The following SUGT1 variants were observed in gnomAD, a reference collection of about 807,000 sequenced individuals.
The protein encoded by SUGT1 is SGT1 assembly cochaperone of MIS12 kinetochore complex.
Under a neutral mutation model 56.1 loss-of-function variants are expected in SUGT1, and 15 were observed. The observed-to-expected ratio is 0.27, with a 90% CI of 0.18 to 0.41. SUGT1 has a LOEUF of 0.41. SUGT1 is among the 10% of genes least tolerant of loss of function. The pLI, the probability that SUGT1 is intolerant of heterozygous loss-of-function variation, is 1.00. For missense variants in SUGT1, 347 were observed against 382.2 expected, an observed-to-expected ratio of 0.91 and a Z score of 0.77; for synonymous variants, 123 against 128.6, an observed-to-expected ratio of 0.96 and a Z score of 0.30.
intron 10 of SUGT1, among the ~76,000 whole-genome samples, chr13:52,672,815 A>C (rs1023556301): frequency 1.8e-4 from 28 of 152,152 alleles, no homozygotes; most frequent in African/African-American, 6.8e-4. Flanking sequence ...CATCTCTTTA[A>C]ATCTGAAATT....
intron 12 of SUGT1, among the ~76,000 whole-genome samples, chr13:52,683,129 A>G (rs181597844): frequency 1.3e-5 from 2 of 152,204 alleles, no homozygotes; most frequent in African/African-American, 2.4e-5. Context: ...ACTGGCTGCA[A>G]CTTCCGCACT....
intron 10 of SUGT1, among the ~76,000 whole-genome samples, chr13:52,674,744 A>G (rs562036436): frequency 5.9e-5 from 9 of 152,316 alleles, no homozygotes; most frequent in East Asian, 3.9e-4. Context: ...TTCTAATTCA[A>G]TTGCTCATTT....
chr13:52,657,010 G>A (rs1962197310), intron 2 of SUGT1, among the ~76,000 whole-genome samples: 2 of 152,144 alleles, frequency 1.3e-5, no homozygotes, highest in Admixed American at 6.6e-5. Context: ...TATTTAGTTG[G>A]GTTTTATTAG....
Position 52,699,767 on chromosome 13 carries a change from A to G in SUGT1, c.*11932A>G, listed in dbSNP as rs1964032759. ...ATGAAATATAGGCAGCTGAAAAGAA[A>G]ATTCTTAGCAATTCATACCTTAGAA... is the stretch of plus-strand genomic sequence containing the variant. On this transcript the variant is annotated 3_prime_UTR_variant, in exon 13 of 13. Coordinates refer to ENST00000310528, the MANE Select transcript of SUGT1 (RefSeq NM_006704.5). 6.6e-6 allele frequency: 1 copy of G among 152,214 alleles called. No homozygotes were observed. Among genetic ancestry groups the G allele is most frequent in the Admixed American group, 6.5e-5 (1 of 15,278 alleles). 9.4% of individuals were successfully genotyped at this position (152,214 alleles called of 1,614,324 possible).
At chr13:52,662,816 G>C in intron 6 of SUGT1, 114 bp downstream of exon 6, 1 of 1,106,280 alleles carries the variant, frequency 9.0e-7, no homozygotes, top group South Asian at 1.6e-5. Flanking sequence ...AATAGTATAC[G>C]TTTCCTTAGA....
intron 10 of SUGT1, among the ~76,000 whole-genome samples, chr13:52,671,080 C>T (rs933380050): frequency 4.0e-5 from 6 of 151,798 alleles, no homozygotes; most frequent in African/African-American, 1.5e-4. Flanking sequence ...AAATAAAAAT[C>T]CTGGTGATAA....
chr13:52,692,273 A>G lies in SUGT1; in HGVS notation c.*4438A>G, dbSNP rs938678941. On this transcript the variant is annotated 3_prime_UTR_variant, in exon 13 of 13. Coordinates refer to ENST00000310528, the MANE Select transcript of SUGT1 (RefSeq NM_006704.5). ...ATAGCTGGGATTTGAACCCAGGCCT[A>G]TCAGACTCCATTACCCATACTTCTG... 1 of 152,228 alleles carries G rather than the reference A, an allele frequency of 6.6e-6. No homozygotes were observed. Among genetic ancestry groups the G allele is most frequent in the African/African-American group, 2.4e-5 (1 of 41,456 alleles). 9.4% of individuals were successfully genotyped at this position (152,228 alleles called of 1,614,324 possible). A position where few individuals can be genotyped will look rare whatever the true frequency, so the allele number is the denominator to read the frequency against.
rs1484876943 is a variant in SUGT1 at position 52,691,514 on chromosome 13, C to A, written c.*3679C>A. The A allele has an allele frequency of 6.6e-6, 1 of 152,146 alleles. No homozygotes were observed. The highest frequency in any genetic ancestry group is 1.5e-5 in the Non-Finnish European group (1 of 68,018). The allele number at this position is 152,146 out of a possible 1,614,324, so 9.4% of individuals were successfully genotyped here. On this transcript the variant is annotated 3_prime_UTR_variant, in exon 13 of 13. Transcript: ENST00000310528. ...CATATTAGTTTACCATCTAATCAGC[C>A]TAATGCACTTAAATTCCCTTGGAAT...
intron 12 of SUGT1, among the ~76,000 whole-genome samples, chr13:52,685,362 T>A (rs1228981013): frequency 6.6e-6 from 1 of 151,052 alleles, no homozygotes; most frequent in Non-Finnish European, 1.5e-5. Flanking sequence ...CCCAAAGTAC[T>A]GGGATTCTAG....
chr13:52,700,223 A>G lies in SUGT1; in HGVS notation c.*12388A>G, dbSNP rs1033284112. On this transcript the variant is annotated 3_prime_UTR_variant, in exon 13 of 13. Transcript: ENST00000310528. ...CCTCTGTGATAACATACACCCAAATAAAGACTGCTATGTATTTGACTTTAA... is the reference window on the plus strand; with the variant it reads ...CCTCTGTGATAACATACACCCAAATGAAGACTGCTATGTATTTGACTTTAA... 1 of 152,182 alleles carries G rather than the reference A, an allele frequency of 6.6e-6. No homozygotes were observed. The highest frequency in any genetic ancestry group is 2.4e-5 in the African/African-American group (1 of 41,452). 9.4% of individuals were successfully genotyped at this position (152,182 alleles called of 1,614,324 possible).
At chr13:52,667,415 G>C (rs1962754332) in intron 10 of SUGT1, among the ~76,000 whole-genome samples, 1 of 152,072 alleles carries the variant, frequency 6.6e-6, no homozygotes, top group Non-Finnish European at 1.5e-5. Flanking sequence ...CGTGATCTCG[G>C]CTCACTGCAA....
chr13:52,684,158 C>T (rs1173069833), intron 12 of SUGT1, among the ~76,000 whole-genome samples: 1 of 152,142 alleles, frequency 6.6e-6, no homozygotes, highest in Non-Finnish European at 1.5e-5. Flanking sequence ...ACCTTGGCCT[C>T]CCAAAGTGCT....
chr13:52,657,961 C>G (rs546199874), intron 3 of SUGT1: 185 of 528,584 alleles, frequency 3.5e-4, no homozygotes, highest in East Asian at 2.0e-3. Flanking sequence ...GTGGCTCACG[C>G]CTGTAATCCC....
chr13:52,670,578 G>A (rs928151163), intron 10 of SUGT1, among the ~76,000 whole-genome samples: 7 of 152,128 alleles, frequency 4.6e-5, no homozygotes, highest in African/African-American at 1.4e-4. Flanking sequence ...AGGCCAAGGC[G>A]GTCGGATCAC....
At position 52,696,802 on chromosome 13, in the gene SUGT1, T is replaced by G. The variant is rs1963946504; in HGVS notation, c.*8967T>G. ...GCGTGCACCACCGTTTCTGACAGGA[T>G]TTTAATTTTTAAGTAGGTTTTTAAC... On this transcript the variant is annotated 3_prime_UTR_variant, in exon 13 of 13. Coordinates refer to ENST00000310528, the MANE Select transcript of SUGT1 (RefSeq NM_006704.5). 1 of 151,886 alleles carries G rather than the reference T, an allele frequency of 6.6e-6. No homozygotes were observed. The highest frequency in any genetic ancestry group is 1.5e-5 in the Non-Finnish European group (1 of 67,938). 9.4% of individuals were successfully genotyped at this position (151,886 alleles called of 1,614,324 possible).
rs760945684 is a variant in SUGT1 at position 52,657,607 on chromosome 13, C to T, written c.172C>T (p.Leu58Phe). ...YCQRAYCHIL[L>F]GNYCVAVADA... ...TCAAAGAGCTTATTGTCACATTCTT[C>T]TTGGGAATTACTGTGGTAACGTTTC... is the stretch of plus-strand genomic sequence containing the variant. Residue 58 changes from leucine to phenylalanine, a missense_variant, in exon 3 of 13, where the codon CTT becomes TTT. Leu to Phe is a conservative substitution (Grantham distance 22, BLOSUM62 0). Transcript: ENST00000310528. The T allele has an allele frequency of 6.2e-7, 1 of 1,613,432 alleles. No homozygotes were observed. Among genetic ancestry groups the T allele is most frequent in the Non-Finnish European group, 8.5e-7 (1 of 1,179,610 alleles).
chr13:52,663,988 G>A (rs1266080958), intron 7 of SUGT1, 47 bp from the exon 8 acceptor site: 1 of 1,593,680 alleles, frequency 6.3e-7, no homozygotes, highest in Non-Finnish European at 8.6e-7. Context: ...AAACTGACTT[G>A]TAAAAATCTT....
At chr13:52,653,158 C>G (rs1961991784) in intron 2 of SUGT1, 55 bp downstream of exon 2, 3 of 1,607,968 alleles carry the variant, frequency 1.9e-6, no homozygotes, top group Admixed American at 1.7e-5. Context: ...TGGGCCACTT[C>G]GGGTCCCCGC....
intron 4 of SUGT1, 56 bp downstream of exon 4, chr13:52,658,524 T>G (rs1406264852): frequency 6.6e-7 from 1 of 1,516,478 alleles, no homozygotes; most frequent in Non-Finnish European, 8.9e-7. Flanking sequence ...GTATTTAATT[T>G]GTTGAATGAG....
Sources: allele counts gnomAD v4.1 joint callset (sites outside exome capture counted in the v4.1 genomes callset), GRCh38; gene constraint gnomAD v4.1.1; transcripts MANE v1.5; gene names NCBI Gene and HGNC (gene_info 2026-07-23, HGNC 2026-07-21).